Variants in GABRA2 observed in about 807,000 individuals in gnomAD.
GABRA2 encodes gamma-aminobutyric acid type A receptor subunit alpha2, also known as gamma-aminobutyric acid receptor subunit alpha-2.
In GABRA2, 16 loss-of-function variants were observed where a neutral mutation model predicts 48.7. That is an observed-to-expected ratio of 0.33 (90% CI 0.22 to 0.50). GABRA2 has a LOEUF of 0.50. GABRA2 is among the 20% of genes least tolerant of loss of function. The probability of loss-of-function intolerance (pLI) is 0.98; values close to 1 mark genes in which losing one functional copy is unlikely to be tolerated. For synonymous variants in GABRA2, 185 were observed against 184.5 expected (o/e 1.00, Z -0.02); for missense variants, 275 against 535.6 (o/e 0.51, Z 4.80).
chr4:46,384,509 T>C (rs977463066), intron 3 of GABRA2, among the ~76,000 whole-genome samples: 1 of 152,174 alleles, frequency 6.6e-6, no homozygotes, highest in African/African-American at 2.4e-5. Context: ...TAGTTTCTAC[T>C]ACCTAACCAT....
rs1285357945 is a variant in GABRA2, at chr4:46,250,315, C to T, written c.1349G>A (p.Ser450Asn). The change falls in exon 10 of 10, where the codon AGT becomes AAT. Residue 450 changes from serine (S) to asparagine (N), a missense_variant. Coordinates refer to ENST00000381620, the MANE Select transcript of GABRA2 (RefSeq NM_000807.4). The stretch of plus-strand genomic sequence containing the variant: ...GATAACATGGGTCTCAATTCAAGGA[C>T]TGACCCCTAATACAGGTTCTCTGTT... ...YLNREPVLGV[S>N]P 4 of 1,608,316 alleles carry T rather than the reference C, an allele frequency of 2.5e-6. No individual in the cohort carries two copies. The highest frequency in any genetic ancestry group is 3.4e-6 in the Non-Finnish European group (4 of 1,176,804).
At chr4:46,271,647 T>C (rs1719356771) in intron 8 of GABRA2, among the ~76,000 whole-genome samples, 1 of 151,820 alleles carries the variant, frequency 6.6e-6, no homozygotes, top group Non-Finnish European at 1.5e-5. Context: ...TTAATATTGG[T>C]GAGAATAAAG....
Position 46,279,883 on chromosome 4 carries a change from G to A in GABRA2, c.857-17755C>T, listed in dbSNP as rs563083650. Among the ~76,000 whole-genome samples the A allele has an allele frequency of 7.9e-5, 12 of 151,934 alleles. No homozygotes were observed. The Middle Eastern group carries it at 0.01, about 129-fold the overall frequency. ...ATCTATAGTGGATTATAGTGGAAACGGAAATTGCATTCCACTACTTATAGA... is the reference window on the plus strand; with the variant it reads ...ATCTATAGTGGATTATAGTGGAAACAGAAATTGCATTCCACTACTTATAGA... On this transcript the variant is annotated intron_variant, in intron 8 of 9. Coordinates refer to ENST00000381620, the MANE Select transcript of GABRA2 (RefSeq NM_000807.4).
intron 9 of GABRA2, among the ~76,000 whole-genome samples, chr4:46,256,743 C>A (rs1715915972): frequency 6.6e-6 from 1 of 151,354 alleles, no homozygotes; most frequent in Non-Finnish European, 1.5e-5. Context: ...TGCATGCATT[C>A]TTTGATGAAC....
chr4:46,310,391 T>C, intron 5 of GABRA2, 136 bp from the exon 6 acceptor site: 1 of 538,912 alleles, frequency 1.9e-6, no homozygotes, highest in Non-Finnish European at 3.3e-6. Flanking sequence ...AAATAATCTT[T>C]TGTTCATTCA....
At position 46,243,606 on chromosome 4, in the gene GABRA2, ATTAG is replaced by A. The variant is rs1391464169; in HGVS notation, c.*6698_*6701del. The A allele has an allele frequency of 4.0e-5, 6 of 151,530 alleles. No individual in the cohort carries two copies. The highest frequency in any genetic ancestry group is 9.7e-5 in the African/African-American group (4 of 41,398). The allele number at this position is 151,530 out of a possible 1,614,324, so 9.4% of individuals were successfully genotyped here. ...GTTGTTTAGCATTAATTTGCATGTG[ATTAG>A]TTAGGAATTTTTTAAACAGCAAGCA... On this transcript the variant is annotated 3_prime_UTR_variant, in exon 10 of 10. Coordinates refer to ENST00000381620, the MANE Select transcript of GABRA2 (RefSeq NM_000807.4).
intron 8 of GABRA2, among the ~76,000 whole-genome samples, chr4:46,263,287 A>T (rs1717427929): frequency 6.6e-6 from 1 of 152,106 alleles, no homozygotes; most frequent in African/African-American, 2.4e-5. Context: ...AATTTGTGTC[A>T]TACCTAAGAA....
chr4:46,285,007 C>A (rs1722265221), intron 8 of GABRA2, among the ~76,000 whole-genome samples: 1 of 132,884 alleles, frequency 7.5e-6, no homozygotes. Context: ...TGCAATAATC[C>A]AATGATGCTG....
chr4:46,315,942 T>TATAC lies in GABRA2; in HGVS notation c.256-3227_256-3226insGTAT, dbSNP rs1023352467. 9.0e-3 allele frequency among the ~76,000 whole-genome samples: 1,329 copies of TATAC among 148,312 alleles called. 22 individuals carry two copies. Among genetic ancestry groups the TATAC allele is most frequent in the African/African-American group, 0.032 (1,283 of 40,180 alleles). Reference sequence around the variant, plus strand: ...TGTACTTTCACATTTAGTACATATATACACACACACACACACACACACATA... The same window carrying TATAC: ...TGTACTTTCACATTTAGTACATATATATACACACACACACACACACACACACATA... On this transcript the variant is annotated intron_variant, in intron 4 of 9. Coordinates refer to ENST00000381620, the MANE Select transcript of GABRA2 (RefSeq NM_000807.4).
In GABRA2 at chr4:46,375,747, C is replaced by G. The variant is rs568536799; in HGVS notation, c.187+10327G>C. On this transcript the variant is annotated intron_variant, in intron 3 of 9. Transcript: ENST00000381620. ...TTAATTAAGAAGAGAAAGAAGAAAC[C>G]AGTGCCTAGAACACATGAAAGCCAG... Among the ~76,000 whole-genome samples the G allele has an allele frequency of 1.9e-4, 29 of 152,210 alleles. No individual in the cohort carries two copies. The South Asian group carries it at 6.0e-3, about 32-fold the overall frequency.
In GABRA2 at chr4:46,352,299, T is replaced by C. The variant is rs559793991; in HGVS notation, c.188-19617A>G. ...TACTCCTCACCCAAGCTCTCCTGTT[T>C]GGAATTGGCATGACATTTCTGAACT... On this transcript the variant is annotated intron_variant, in intron 3 of 9. Coordinates refer to ENST00000381620, the MANE Select transcript of GABRA2 (RefSeq NM_000807.4). Among the ~76,000 whole-genome samples the C allele has an allele frequency of 6.6e-5, 10 of 152,094 alleles. No homozygotes were observed. In the East Asian group the frequency reaches 1.9e-3, roughly 30 times the overall value.
intron 3 of GABRA2, among the ~76,000 whole-genome samples, chr4:46,345,076 T>C (rs1733917072): frequency 6.6e-6 from 1 of 151,834 alleles, no homozygotes; most frequent in Admixed American, 6.6e-5. Flanking sequence ...GTTCTCATGA[T>C]AGTGAGTGAG....
intron 6 of GABRA2, among the ~76,000 whole-genome samples, chr4:46,306,476 G>C (rs1320594489): frequency 6.6e-6 from 1 of 152,142 alleles, no homozygotes; most frequent in Non-Finnish European, 1.5e-5. Context: ...TCTGGTCTTA[G>C]CCTTTCTCTG....
intron 8 of GABRA2, among the ~76,000 whole-genome samples, chr4:46,299,105 T>C (rs1464404353): frequency 6.6e-6 from 1 of 151,526 alleles, no homozygotes; most frequent in Non-Finnish European, 1.5e-5. Flanking sequence ...AAATATTCTG[T>C]AATAAAATGG....
chr4:46,384,208 A>G (rs1717144135), intron 3 of GABRA2, among the ~76,000 whole-genome samples: 1 of 152,096 alleles, frequency 6.6e-6, no homozygotes, highest in South Asian at 2.1e-4. Context: ...TACCAAAGGA[A>G]ATGGGGAGCC....
At chr4:46,261,817 T>A (rs988357769) in intron 9 of GABRA2, 109 bp downstream of exon 9, 21 of 922,460 alleles carry the variant, frequency 2.3e-5, no homozygotes, top group Non-Finnish European at 2.9e-5. Flanking sequence ...TGATTCAAAT[T>A]CATATATATA....
intron 8 of GABRA2, among the ~76,000 whole-genome samples, chr4:46,265,968 A>T (rs1718131732): frequency 6.6e-6 from 1 of 151,890 alleles, no homozygotes; most frequent in South Asian, 2.1e-4. Context: ...TACATATGCA[A>T]ATTTTCCAAA....
chr4:46,365,767 T>C (rs1713940366), intron 3 of GABRA2: 1 of 152,134 alleles, frequency 6.6e-6, no homozygotes, highest in African/African-American at 2.4e-5. Flanking sequence ...CTCCAAAGCC[T>C]GATCTTTTCC....
At chr4:46,272,434 T>C (rs519270) in intron 8 of GABRA2, among the ~76,000 whole-genome samples, 82,018 of 151,780 alleles carry the variant, frequency 0.54, 22,650 homozygotes, top group South Asian at 0.76. Flanking sequence ...CTTTCTTTTA[T>C]GAAGCAAGCA....
Sources: allele counts gnomAD v4.1 joint callset (sites outside exome capture counted in the v4.1 genomes callset), GRCh38; gene constraint gnomAD v4.1.1; transcripts MANE v1.5; gene names NCBI Gene and HGNC (gene_info 2026-07-23, HGNC 2026-07-21).